Variants in XKR4 observed in about 807,000 individuals in gnomAD.
The protein encoded by XKR4 is XK related 4.
XKR4 carries 12 observed loss-of-function variants against 53.9 expected under a neutral mutation model. The observed-to-expected ratio is 0.22, with a 90% CI of 0.14 to 0.36. The LOEUF (loss-of-function observed/expected upper bound fraction) is 0.36. Ranked by LOEUF, XKR4 falls within the 10% of genes least tolerant of loss-of-function variation. XKR4 has a pLI of 1.00. For synonymous variants in XKR4, 354 were observed against 362.4 expected (o/e 0.98, Z 0.26); for missense variants, 799 against 859.5 (o/e 0.93, Z 0.88).
intron 1 of XKR4, among the ~76,000 whole-genome samples, chr8:55,190,216 G>A (rs762763706): frequency 3.3e-5 from 5 of 152,154 alleles, no homozygotes; most frequent in Non-Finnish European, 7.3e-5. Flanking sequence ...TGGAATGGCT[G>A]GGCTTGGAGG....
chr8:55,186,964 C>A (rs1333245698), intron 1 of XKR4, among the ~76,000 whole-genome samples: 5 of 150,218 alleles, frequency 3.3e-5, no homozygotes, highest in Non-Finnish European at 5.9e-5. Context: ...GAAGATAAAC[C>A]TCTCTTAGTT....
chr8:55,266,337 A>C (rs1463724134), intron 1 of XKR4, among the ~76,000 whole-genome samples: 2 of 151,800 alleles, frequency 1.3e-5, no homozygotes, highest in Non-Finnish European at 1.5e-5. Context: ...GTCTTAGTGC[A>C]TTGCATGGCA....
At chr8:55,461,488 A>G (rs1805657272) in intron 2 of XKR4, among the ~76,000 whole-genome samples, 1 of 152,232 alleles carries the variant, frequency 6.6e-6, no homozygotes, top group Non-Finnish European at 1.5e-5. Context: ...CACTATCATA[A>G]AAGACCAAAG....
chr8:55,134,522 T>C (rs1350231435), intron 1 of XKR4, among the ~76,000 whole-genome samples: 1 of 152,236 alleles, frequency 6.6e-6, no homozygotes, highest in African/African-American at 2.4e-5. Flanking sequence ...ATTCACTCTC[T>C]CTCTGTTCAT....
In XKR4 at chr8:55,203,292, C is replaced by G. The variant is rs192077343; in HGVS notation, c.806+99998C>G. Among the ~76,000 whole-genome samples, 8 of 152,342 alleles carry G rather than the reference C, an allele frequency of 5.3e-5. No individual in the cohort carries two copies. The East Asian group carries it at 1.5e-3, about 29-fold the overall frequency. Reference sequence around the variant, plus strand: ...CTGCCAACCCAGTCCCCAACTGCATCTTCACACACCTCACAGCTGCATCTG... The same window carrying G: ...CTGCCAACCCAGTCCCCAACTGCATGTTCACACACCTCACAGCTGCATCTG... On this transcript the variant is annotated intron_variant, in intron 1 of 2. Transcript: ENST00000327381.
chr8:55,379,787 G>A (rs1804205160), intron 2 of XKR4, among the ~76,000 whole-genome samples: 1 of 152,232 alleles, frequency 6.6e-6, no homozygotes, highest in Non-Finnish European at 1.5e-5. Flanking sequence ...GGCATCTTCG[G>A]GTGGGTCCTG....
intron 2 of XKR4, among the ~76,000 whole-genome samples, chr8:55,412,422 A>T (rs889190318): frequency 6.6e-6 from 1 of 152,290 alleles, no homozygotes. Context: ...AATTTTTTTT[A>T]AAGCCAAAAT....
At chr8:55,205,855 G>A (rs1202529502) in intron 1 of XKR4, among the ~76,000 whole-genome samples, 3 of 152,154 alleles carry the variant, frequency 2.0e-5, no homozygotes, top group Admixed American at 6.5e-5. Context: ...GCGGACCCTC[G>A]TGGTGAGTGT....
At chr8:55,246,974 T>A (rs1563492268) in intron 1 of XKR4, among the ~76,000 whole-genome samples, 1 of 152,132 alleles carries the variant, frequency 6.6e-6, no homozygotes, top group African/African-American at 2.4e-5. Flanking sequence ...AGAGATAAGA[T>A]GTCTTAGTGT....
At chr8:55,336,982 G>T (rs182559079) in intron 1 of XKR4, among the ~76,000 whole-genome samples, 20 of 152,074 alleles carry the variant, frequency 1.3e-4, no homozygotes, top group African/African-American at 4.6e-4. Context: ...AACTTGCAAG[G>T]GTTTTTTTGG....
chr8:55,383,479 T>C (rs2129387767), intron 2 of XKR4, among the ~76,000 whole-genome samples: 1 of 152,356 alleles, frequency 6.6e-6, no homozygotes, highest in African/African-American at 2.4e-5. Context: ...ACCGTTAAGT[T>C]AATCCTGGTT....
chr8:55,341,602 C>A (rs1188459885), intron 1 of XKR4, among the ~76,000 whole-genome samples: 1 of 152,204 alleles, frequency 6.6e-6, no homozygotes, highest in Non-Finnish European at 1.5e-5. Context: ...TTTCCACCAG[C>A]ACACCCACCA....
chr8:55,472,764 G>A (rs1405007735), intron 2 of XKR4, among the ~76,000 whole-genome samples: 1 of 152,060 alleles, frequency 6.6e-6, no homozygotes, highest in African/African-American at 2.4e-5. Flanking sequence ...GGATAAATTG[G>A]CTGATCACCT....
intron 2 of XKR4, among the ~76,000 whole-genome samples, chr8:55,503,875 T>C (rs903342393): frequency 4.6e-5 from 7 of 152,168 alleles, no homozygotes; most frequent in African/African-American, 1.7e-4. Flanking sequence ...GGTAGTTTCC[T>C]TCTATTCTTA....
intron 2 of XKR4, among the ~76,000 whole-genome samples, chr8:55,418,768 G>A (rs183649050): frequency 2.3e-3 from 355 of 152,298 alleles, no homozygotes; most frequent in Non-Finnish European, 3.2e-3. Flanking sequence ...CTGCCTGGAA[G>A]GCCCTTCCTG....
At chr8:55,292,463 T>C (rs192544556) in intron 1 of XKR4, among the ~76,000 whole-genome samples, 2 of 152,278 alleles carry the variant, frequency 1.3e-5, no homozygotes, top group East Asian at 3.9e-4. Context: ...CATTCTCTTT[T>C]ATGGATTTGA....
At chr8:55,307,290 C>T (rs1454050564) in intron 1 of XKR4, among the ~76,000 whole-genome samples, 1 of 152,108 alleles carries the variant, frequency 6.6e-6, no homozygotes. Context: ...CCAAACTCAA[C>T]AGTCAAAAAA....
intron 2 of XKR4, among the ~76,000 whole-genome samples, chr8:55,375,019 C>G (rs765469934): frequency 2.0e-5 from 3 of 152,192 alleles, no homozygotes; most frequent in Admixed American, 2.0e-4. Flanking sequence ...ATGCCCCCAG[C>G]AACCAGCAAT....
chr8:55,402,265 A>G (rs906713040), intron 2 of XKR4, among the ~76,000 whole-genome samples: 4 of 152,148 alleles, frequency 2.6e-5, no homozygotes, highest in Admixed American at 6.5e-5. Context: ...CGTGGAGGAT[A>G]GAGATTGGAA....
Sources: allele counts gnomAD v4.1 joint callset (sites outside exome capture counted in the v4.1 genomes callset), GRCh38; gene constraint gnomAD v4.1.1; transcripts MANE v1.5; gene names NCBI Gene and HGNC (gene_info 2026-07-23, HGNC 2026-07-21).